Variants in ARHGAP39 observed in about 807,000 individuals in gnomAD.
ARHGAP39 encodes Rho GTPase activating protein 39.
Under a neutral mutation model 106.9 loss-of-function variants are expected in ARHGAP39, and 44 were observed. The ratio of observed to expected loss-of-function variants is 0.41; its 90% CI spans 0.32 to 0.53. ARHGAP39 has a LOEUF of 0.53. ARHGAP39 is among the 20% of genes least tolerant of loss of function. The pLI, the probability that ARHGAP39 is intolerant of heterozygous loss-of-function variation, is 0.21. For missense variants in ARHGAP39, 1,496 were observed against 1,577.3 expected (o/e 0.95, Z 0.87); for synonymous variants, 768 against 693.2 (o/e 1.11, Z -1.69).
intron 3 of ARHGAP39, among the ~76,000 whole-genome samples, chr8:144,578,407 T>C (rs1818849474): frequency 6.6e-6 from 1 of 152,182 alleles, no homozygotes; most frequent in East Asian, 1.9e-4. Context: ...TTTGGTACTT[T>C]TAGTAGAGAC....
intron 1 of ARHGAP39, among the ~76,000 whole-genome samples, chr8:144,636,107 GA>G (rs1432747375): frequency 1.3e-5 from 2 of 151,872 alleles, no homozygotes; most frequent in Non-Finnish European, 2.9e-5. Context: ...GACTGAATTA[GA>G]GGGGGGCTGA....
intron 1 of ARHGAP39, among the ~76,000 whole-genome samples, chr8:144,648,674 G>C (rs1356641963): frequency 2.6e-5 from 4 of 152,224 alleles, no homozygotes; most frequent in Non-Finnish European, 5.9e-5. Context: ...TGCAGAGCCA[G>C]CTCAACCCTA....
chr8:144,568,094 G>A (rs903381113), intron 3 of ARHGAP39, among the ~76,000 whole-genome samples: 5 of 152,172 alleles, frequency 3.3e-5, no homozygotes, highest in Admixed American at 6.5e-5. Flanking sequence ...CACCTTGGGA[G>A]GCTGAGGTGG....
Position 144,684,969 on chromosome 8 carries a change from G to A in ARHGAP39, c.-82+717C>T, listed in dbSNP as rs1822539800. Among the ~76,000 whole-genome samples the A allele has an allele frequency of 6.6e-6, 1 of 152,200 alleles. No individual in the cohort carries two copies. Reference sequence around the variant, plus strand: ...CTGCACCCGGGCCGCCCTTCAGGACGCGGGCACCAGACCCGACCGGCGGGC... The same window carrying A: ...CTGCACCCGGGCCGCCCTTCAGGACACGGGCACCAGACCCGACCGGCGGGC... On this transcript the variant is annotated intron_variant, in intron 1 of 11. Coordinates refer to ENST00000377307, the MANE Select transcript of ARHGAP39 (RefSeq NM_025251.3). This position sits in a 1 kb window ranked among gnomAD's most constrained non-coding sequence, Gnocchi z 4.4.
chr8:144,642,234 C>T (rs1004984424), intron 1 of ARHGAP39, among the ~76,000 whole-genome samples: 2 of 152,142 alleles, frequency 1.3e-5, no homozygotes, highest in African/African-American at 4.8e-5. Context: ...CCTGTTAATC[C>T]CAGCAATTTG....
chr8:144,600,780 G>C (rs906615395), intron 2 of ARHGAP39, among the ~76,000 whole-genome samples: 1 of 151,296 alleles, frequency 6.6e-6, no homozygotes, highest in African/African-American at 2.4e-5. Context: ...TGTGCATGGA[G>C]GCATGCGCGT....
chr8:144,545,112 C>T (rs925091843), intron 6 of ARHGAP39, 137 bp downstream of exon 6: 7 of 747,898 alleles, frequency 9.4e-6, no homozygotes, highest in South Asian at 4.8e-5. Context: ...GAGTGTGGGG[C>T]GTTTTGGGAG....
upstream of ARHGAP39, among the ~76,000 whole-genome samples, chr8:144,686,964 C>T (rs374000661): frequency 6.2e-3 from 390 of 63,112 alleles, 22 homozygotes; most frequent in Middle Eastern, 0.02. Flanking sequence ...GCACTGGCGG[C>T]GAGCACTTCC....
In ARHGAP39 at chr8:144,644,574, C is replaced by T. The variant is rs1437175469; in HGVS notation, c.-81-38879G>A. On this transcript the variant is annotated intron_variant, in intron 1 of 11. Coordinates refer to ENST00000377307, the MANE Select transcript of ARHGAP39 (RefSeq NM_025251.3). This position sits in a 1 kb window ranked among gnomAD's most constrained non-coding sequence, Gnocchi z 4.8. ...CATAATTGAAACACTGCCAAATGCACGCCGGCTCGTGGCGGCACCCCTTCC... is the reference window on the plus strand; with the variant it reads ...CATAATTGAAACACTGCCAAATGCATGCCGGCTCGTGGCGGCACCCCTTCC... Among the ~76,000 whole-genome samples, 3 of 152,212 alleles carry T rather than the reference C, an allele frequency of 2.0e-5. No homozygotes were observed. The highest frequency in any genetic ancestry group is 1.3e-4 in the Admixed American group (2 of 15,292).
rs1817583240 is a variant in ARHGAP39, at chr8:144,548,740, A to G, written c.597-251T>C. Among the ~76,000 whole-genome samples the G allele has an allele frequency of 6.6e-6, 1 of 152,192 alleles. No homozygotes were observed. Among genetic ancestry groups the G allele is most frequent in the Non-Finnish European group, 1.5e-5 (1 of 68,010 alleles). On this transcript the variant is annotated intron_variant, in intron 4 of 11. Transcript: ENST00000377307. This position sits in a 1 kb window ranked among gnomAD's most constrained non-coding sequence, Gnocchi z 7.4. ...CTCTGATCCCAGCTCCTGACCGGGC[A>G]CAGGGCTGCTTCTGTAACTAGAACC...
intron 4 of ARHGAP39, among the ~76,000 whole-genome samples, chr8:144,550,501 T>TC (rs1817651974): frequency 6.6e-6 from 1 of 152,202 alleles, no homozygotes; most frequent in Non-Finnish European, 1.5e-5. Context: ...TCCCTCTGAT[T>TC]GATGTGGGGT....
In ARHGAP39 at chr8:144,605,601, T is replaced by C. The variant is rs1018398164; in HGVS notation, c.14A>G (p.Gln5Arg). The change falls in exon 2 of 12, where the codon CAG becomes CGG. Residue 5 changes from glutamine to arginine, a missense_variant. Around this residue, in one of 4 missense-constraint regions of ARHGAP39, gnomAD observed 96 missense variants for 107.9 expected, o/e 0.89. Transcript: ENST00000377307. Reference sequence around the variant, plus strand: ...ATTATGGCTCCTGCACTCGTAGTCCTGCGTCTGGGACATCGCTGTTTGCTT... The same window carrying C: ...ATTATGGCTCCTGCACTCGTAGTCCCGCGTCTGGGACATCGCTGTTTGCTT... MSQT[Q>R]DYECRSHNVD... The C allele has an allele frequency of 2.5e-6, 4 of 1,613,536 alleles. No individual in the cohort carries two copies. The highest frequency in any genetic ancestry group is 1.3e-5 in the African/African-American group (1 of 75,058).
chr8:144,562,761 G>GACTCCAGTGGTTTCCATCGGACTC (rs1423389870), intron 3 of ARHGAP39, among the ~76,000 whole-genome samples: 1 of 134,694 alleles, frequency 7.4e-6, no homozygotes, highest in African/African-American at 3.1e-5. Flanking sequence ...GTTTCCATTG[G>GACTCCAGTGGTTTCCATCGGACTC]ACTCCAGTGG....
intron 1 of ARHGAP39, among the ~76,000 whole-genome samples, chr8:144,664,178 G>GA (rs943744748): frequency 2.6e-5 from 4 of 151,488 alleles, no homozygotes; most frequent in African/African-American, 4.9e-5. Flanking sequence ...CCAAAAAAAA[G>GA]AAAAAAAATG....
intron 1 of ARHGAP39, among the ~76,000 whole-genome samples, chr8:144,639,207 T>C (rs558176213): frequency 1.3e-5 from 2 of 151,374 alleles, no homozygotes; most frequent in Non-Finnish European, 2.9e-5. Context: ...CATGCCTGAG[T>C]CCCCGCTACT....
intron 9 of ARHGAP39, 22 bp downstream of exon 9, chr8:144,533,104 G>C (rs569519489): frequency 1.3e-6 from 2 of 1,590,928 alleles, no homozygotes; most frequent in South Asian, 2.2e-5. Flanking sequence ...CCCACACCCG[G>C]CGCCCGGGGT....
chr8:144,590,052 C>CT (rs973484584), intron 2 of ARHGAP39, among the ~76,000 whole-genome samples: 2 of 152,266 alleles, frequency 1.3e-5, no homozygotes, highest in Non-Finnish European at 2.9e-5. Flanking sequence ...GGTCTCTCGC[C>CT]TGTCATCCTG....
intron 1 of ARHGAP39, among the ~76,000 whole-genome samples, chr8:144,653,339 T>C (rs939267846): frequency 3.3e-5 from 5 of 151,930 alleles, no homozygotes; most frequent in African/African-American, 1.2e-4. Flanking sequence ...AAATATGAAA[T>C]AGAAACTCAG....
intron 1 of ARHGAP39, among the ~76,000 whole-genome samples, chr8:144,676,782 G>A (rs866306999): frequency 1.6e-4 from 25 of 152,342 alleles, no homozygotes; most frequent in Middle Eastern, 3.4e-3. Flanking sequence ...AGAGGGAGCC[G>A]GCTCTGGCCT....
Sources: gnomAD v4.1 joint callset for allele counts (sites outside exome capture counted in the v4.1 genomes callset) on GRCh38, gnomAD v4.1.1 for gene constraint, gnomAD v4.1.1 regional missense constraint, Gnocchi (gnomAD v3.1) non-coding constraint, MANE v1.5 for transcripts, NCBI Gene and HGNC (gene_info 2026-07-23, HGNC 2026-07-21) for gene names.